KDM4B: variants seen among roughly 807,000 people sequenced by gnomAD.
KDM4B encodes the protein lysine-specific demethylase 4B.
KDM4B carries 32 observed loss-of-function variants against 125.2 expected under a neutral mutation model. That is an observed-to-expected ratio of 0.26 (90% CI 0.19 to 0.34). The LOEUF (loss-of-function observed/expected upper bound fraction) is 0.34. Ranked by LOEUF, KDM4B falls within the 10% of genes least tolerant of loss-of-function variation. The pLI is 1.00. For missense variants in KDM4B, 1,190 were observed against 1,577.7 expected (o/e 0.75, Z 4.16); for synonymous variants, 721 against 677.9 (o/e 1.06, Z -0.99).
intron 3 of KDM4B, among the ~76,000 whole-genome samples, chr19:5,038,584 T>C (rs1183020164): frequency 6.6e-6 from 1 of 152,234 alleles, no homozygotes; most frequent in Non-Finnish European, 1.5e-5. Flanking sequence ...CTCCGCGTGT[T>C]CCAGTGTCTG....
At chr19:5,043,748 T>G (rs1466538112) in intron 5 of KDM4B, among the ~76,000 whole-genome samples, 3 of 126,528 alleles carry the variant, frequency 2.4e-5, no homozygotes, top group Admixed American at 1.6e-4. Flanking sequence ...GGAGTGGGGG[T>G]GTCCACTGTA....
chr19:5,057,479 C>T (rs1003366393), intron 6 of KDM4B, among the ~76,000 whole-genome samples: 22 of 152,172 alleles, frequency 1.4e-4, no homozygotes, highest in African/African-American at 4.8e-4. Flanking sequence ...GAGGCTTCTG[C>T]GAAAGACCTA....
Position 5,144,358 on chromosome 19 carries a change from A to G in KDM4B, c.2847A>G (p.Glu949=). The change falls in exon 20 of 23, where the codon GAA becomes GAG. Residue 949 remains glutamate (E), a synonymous_variant. Coordinates refer to ENST00000159111, the MANE Select transcript of KDM4B (RefSeq NM_015015.3). ...VIGAASQTCY[E]VNFDDGSYSD... is the part of the protein sequence containing the mutation. ...GTGCCGCCTCGCAGACCTGCTACGA[A>G]GTGAACTTCGACGATGGCTCCTACA... The G allele has an allele frequency of 7.7e-7, 1 of 1,303,940 alleles. No individual in the cohort carries two copies. Among genetic ancestry groups the G allele is most frequent in the Non-Finnish European group, 9.9e-7 (1 of 1,007,500 alleles). 80.8% of individuals were successfully genotyped at this position (1,303,940 alleles called of 1,614,324 possible).
At chr19:4,976,063 A>G (rs1450486442) in intron 1 of KDM4B, among the ~76,000 whole-genome samples, 1 of 151,548 alleles carries the variant, frequency 6.6e-6, no homozygotes, top group Non-Finnish European at 1.5e-5. Flanking sequence ...CATCCTGACC[A>G]ATATGGAGAA....
At chr19:5,148,149 C>T (rs2039884138) in intron 21 of KDM4B, among the ~76,000 whole-genome samples, 3 of 152,228 alleles carry the variant, frequency 2.0e-5, no homozygotes, top group Admixed American at 2.0e-4. Context: ...CACAGGGAGC[C>T]CGGGCCGAGG....
chr19:5,042,683 G>T (rs375744249), intron 5 of KDM4B, among the ~76,000 whole-genome samples: 4 of 151,278 alleles, frequency 2.6e-5, no homozygotes, highest in Admixed American at 1.3e-4. Flanking sequence ...AGAGAGTGAG[G>T]GGGGGGGCGC....
At chr19:5,112,715 G>C (rs2039174425) in intron 10 of KDM4B, 1 of 152,520 alleles carries the variant, frequency 6.6e-6, no homozygotes, top group Non-Finnish European at 1.5e-5. Context: ...CTCTCTCGGA[G>C]AATGTTCCCT....
At chr19:5,094,833 A>C (rs1395464401) in intron 9 of KDM4B, among the ~76,000 whole-genome samples, 4 of 152,222 alleles carry the variant, frequency 2.6e-5, no homozygotes, top group African/African-American at 9.7e-5. Flanking sequence ...CTCCTCAGTC[A>C]GGCCAGCCGC....
chr19:5,131,802 C>A lies in KDM4B; in HGVS notation c.1786-85C>A, dbSNP rs983567168. 4.5e-6 allele frequency: 7 copies of A among 1,563,532 alleles called. No individual in the cohort carries two copies. In the African/African-American group the frequency reaches 6.8e-5, roughly 15 times the overall value. On this transcript the variant is annotated intron_variant, in intron 12 of 22. Transcript: ENST00000159111. ...CAGGAGAGGAGACTCAGGCCTCAGG[C>A]ACGCCGAGCCCCTGTGTGGCTCCGA... is the stretch of plus-strand genomic sequence containing the variant.
chr19:5,062,171 C>T (rs1341131148), intron 6 of KDM4B, among the ~76,000 whole-genome samples: 1 of 152,210 alleles, frequency 6.6e-6, no homozygotes, highest in African/African-American at 2.4e-5. Flanking sequence ...GGTGACATCT[C>T]CTCTCCCTCT....
chr19:5,016,580 G>A (rs144749314), intron 2 of KDM4B, among the ~76,000 whole-genome samples: 650 of 152,296 alleles, frequency 4.3e-3, no homozygotes, highest in Non-Finnish European at 6.0e-3. Flanking sequence ...CTTCGGCATC[G>A]AACCACCCGA....
At chr19:5,134,316 CG>C (rs1284922161) in intron 14 of KDM4B, among the ~76,000 whole-genome samples, 1 of 152,126 alleles carries the variant, frequency 6.6e-6, no homozygotes, top group Non-Finnish European at 1.5e-5. Flanking sequence ...TGCGGAGGCT[CG>C]GGGTCACTGC....
intron 9 of KDM4B, among the ~76,000 whole-genome samples, chr19:5,085,824 CG>C (rs1242127568): frequency 6.6e-6 from 1 of 152,222 alleles, no homozygotes; most frequent in African/African-American, 2.4e-5. Flanking sequence ...GCGGGGCAGC[CG>C]GCCCCTGACT....
chr19:5,113,054 C>G (rs1398024837), intron 10 of KDM4B: 2 of 152,284 alleles, frequency 1.3e-5, no homozygotes. Flanking sequence ...GGAGGAGATG[C>G]GGAAGCCGCT....
chr19:5,107,687 C>T (rs1474097769), intron 9 of KDM4B, among the ~76,000 whole-genome samples: 9 of 152,160 alleles, frequency 5.9e-5, no homozygotes, highest in Non-Finnish European at 1.2e-4. Flanking sequence ...CAGAAGAGGC[C>T]GGAGTTGGTG....
At chr19:5,073,172 C>T (rs2038001143) in intron 7 of KDM4B, among the ~76,000 whole-genome samples, 1 of 152,256 alleles carries the variant, frequency 6.6e-6, no homozygotes, top group Admixed American at 6.5e-5. Context: ...CAGGGGTTAG[C>T]ATGTGGGTGC....
intron 1 of KDM4B, among the ~76,000 whole-genome samples, chr19:5,013,537 T>C (rs2035794377): frequency 6.6e-6 from 1 of 152,218 alleles, no homozygotes; most frequent in Admixed American, 6.5e-5. Flanking sequence ...CTGTTCCTTC[T>C]GGAGGCTCCC....
chr19:5,043,838 C>T (rs112780387), intron 5 of KDM4B, among the ~76,000 whole-genome samples: 4,496 of 114,130 alleles, frequency 0.039, 197 homozygotes, highest in Non-Finnish European at 0.05. Context: ...CACCTTATCC[C>T]ACTCTGTGTT....
chr19:5,031,847 A>G (rs2036470396), intron 2 of KDM4B, among the ~76,000 whole-genome samples: 2 of 151,696 alleles, frequency 1.3e-5, no homozygotes, highest in African/African-American at 2.4e-5. Context: ...TGGGAACCCC[A>G]CTCCCGGGAC....
Sources: gnomAD v4.1 joint callset for allele counts (sites outside exome capture counted in the v4.1 genomes callset) on GRCh38, gnomAD v4.1.1 for gene constraint, MANE v1.5 for transcripts, NCBI Gene and HGNC (gene_info 2026-07-23, HGNC 2026-07-21) for gene names.